FSCN3: variants seen among roughly 807,000 people sequenced by gnomAD.
FSCN3 encodes fascin actin-bundling protein 3.
In FSCN3, 43 loss-of-function variants were observed where a neutral mutation model predicts 53.5. The ratio of observed to expected loss-of-function variants is 0.80; its 90% CI spans 0.63 to 1.04. FSCN3 has a LOEUF of 1.04. FSCN3 is among the 50% of genes least tolerant of loss of function. The probability of loss-of-function intolerance (pLI) is 0.00; values close to 1 mark genes in which losing one functional copy is unlikely to be tolerated. For synonymous variants in FSCN3, 235 were observed against 246.6 expected (o/e 0.95, Z 0.44); for missense variants, 594 against 646.5 (o/e 0.92, Z 0.88).
chr7:127,600,181 C>T lies in FSCN3; in HGVS notation c.1292-13C>T, dbSNP rs767195797. On this transcript the variant is annotated splice_polypyrimidine_tract_variant and intron_variant, in intron 5 of 6. Transcript: ENST00000265825. ...TGTGAATGGCCCACCAACCTGAGCTCTTCCTTCTCCAGCACAGGGGGGATC... is the reference window on the plus strand; with the variant it reads ...TGTGAATGGCCCACCAACCTGAGCTTTTCCTTCTCCAGCACAGGGGGGATC... 9 of 1,524,356 alleles carry T rather than the reference C, an allele frequency of 5.9e-6. No homozygotes were observed. Among genetic ancestry groups the T allele is most frequent in the Non-Finnish European group, 8.2e-6 (9 of 1,098,464 alleles). The allele number at this position is 1,524,356 out of a possible 1,614,324, so 94.4% of individuals were successfully genotyped here. A position where few individuals can be genotyped will look rare whatever the true frequency, so the allele number is the denominator to read the frequency against.
In FSCN3 at chr7:127,601,786, G is replaced by A. The variant is rs1266843024; in HGVS notation, c.*164G>A. The A allele has an allele frequency of 6.6e-6, 1 of 152,140 alleles. No individual in the cohort carries two copies. The highest frequency in any genetic ancestry group is 1.5e-5 in the Non-Finnish European group (1 of 68,042). 9.4% of individuals were successfully genotyped at this position (152,140 alleles called of 1,614,324 possible). A position where few individuals can be genotyped will look rare whatever the true frequency, so the allele number is the denominator to read the frequency against. ...TTTTATGCAACAATACATCACAACA[G>A]GCCACCCCCAAGATCCTTGTGTGCA... On this transcript the variant is annotated 3_prime_UTR_variant, in exon 7 of 7. Transcript: ENST00000265825.
At position 127,593,805 on chromosome 7, in the gene FSCN3, G is replaced by A. The variant is rs771095150; in HGVS notation, c.-49G>A. 46 of 1,536,160 alleles carry A rather than the reference G, an allele frequency of 3.0e-5. No homozygotes were observed. Among genetic ancestry groups the A allele is most frequent in the Admixed American group, 4.0e-5 (2 of 50,590 alleles). ...CCTATGGCCTGTGGAACCTCACCAC[G>A]GGGGGGAGGGCTGGGCCAGACGGAG... On this transcript the variant is annotated 5_prime_UTR_variant, in exon 1 of 7. Coordinates refer to ENST00000265825, the MANE Select transcript of FSCN3 (RefSeq NM_020369.3).
chr7:127,595,363 G>C lies in FSCN3; in HGVS notation c.201G>C (p.Lys67Asn), dbSNP rs1182954899. The change falls in exon 2 of 7, where the codon AAG becomes AAC. Residue 67 changes from lysine (K) to asparagine (N), a missense_variant. Coordinates refer to ENST00000265825, the MANE Select transcript of FSCN3 (RefSeq NM_020369.3). Reference protein sequence around the residue: ...EHETQAVVRLKSVQGLYLLCE... With the variant: ...EHETQAVVRLNSVQGLYLLCE... ...AGACACAGGCCGTGGTGCGACTAAA[G>C]AGCGTGCAGGGCCTCTACCTGCTGT... 2 of 1,614,142 alleles carry C rather than the reference G, an allele frequency of 1.2e-6. No individual in the cohort carries two copies.
chr7:127,600,080 G>A (rs1360810711), intron 5 of FSCN3, 114 bp from the exon 6 acceptor site: 1 of 664,432 alleles, frequency 1.5e-6, no homozygotes, highest in East Asian at 2.6e-5. Flanking sequence ...GCCAATGCAG[G>A]CAGGATGGGG....
At chr7:127,598,712 T>A in intron 4 of FSCN3, 118 bp downstream of exon 4, 1 of 845,766 alleles carries the variant, frequency 1.2e-6, no homozygotes, top group Non-Finnish European at 1.8e-6. Context: ...ATGCCTGTAA[T>A]CCCAGCACTT....
intron 4 of FSCN3, 34 bp from the exon 5 acceptor site, chr7:127,599,347 G>T (rs769905535): frequency 3.8e-6 from 6 of 1,583,622 alleles, no homozygotes; most frequent in Non-Finnish European, 5.2e-6. Context: ...CCTAAAGGCA[G>T]CCCATCCAGA....
rs749595538 is a variant in FSCN3 at position 127,600,318 on chromosome 7, C to G, written c.1416C>G (p.Gly472=). The G allele has an allele frequency of 1.2e-6, 2 of 1,612,638 alleles. No homozygotes were observed. Among genetic ancestry groups the G allele is most frequent in the Non-Finnish European group, 1.7e-6 (2 of 1,178,570 alleles). The change falls in exon 6 of 7, where the codon GGC becomes GGG. Residue 472 remains glycine (G), a synonymous_variant. Coordinates refer to ENST00000265825, the MANE Select transcript of FSCN3 (RefSeq NM_020369.3). ...SNLLTVLAPN[G]FYMRADQSGT... is the part of the protein sequence containing the mutation. ...TACTCACTGTACTGGCCCCCAATGG[C>G]TTCTACATGCGAGCCGACCAAAGTG...
chr7:127,596,489 A>G, intron 3 of FSCN3, 43 bp downstream of exon 3: 1 of 905,460 alleles, frequency 1.1e-6, no homozygotes, highest in South Asian at 1.4e-5. Context: ...TTAAGCTCTG[A>G]GCTCTCCCTC....
chr7:127,598,246 G>A (rs2117431426), intron 3 of FSCN3, among the ~76,000 whole-genome samples, 189 bp from the exon 4 acceptor site: 1 of 152,324 alleles, frequency 6.6e-6, no homozygotes, highest in African/African-American at 2.4e-5. Context: ...ATACAGCACA[G>A]ACTGGGGGAA....
At chr7:127,599,052 C>T (rs1030064129) in intron 4 of FSCN3, among the ~76,000 whole-genome samples, 1 of 151,926 alleles carries the variant, frequency 6.6e-6, no homozygotes, top group African/African-American at 2.4e-5. Flanking sequence ...TTGAGCAAAG[C>T]ACCTCCTTGA....
rs762540012 is a variant in FSCN3 at position 127,595,335 on chromosome 7, A to G, written c.173A>G (p.His58Arg). 1.5e-5 allele frequency: 25 copies of G among 1,613,016 alleles called. No homozygotes were observed. The highest frequency in any genetic ancestry group is 7.6e-6 in the Non-Finnish European group (9 of 1,179,402). ...QTWEILVSNEHETQAVVRLKS... is the reference protein window; with the variant it reads ...QTWEILVSNERETQAVVRLKS... ...TGGGAGATCTTGGTGAGCAATGAGCATGAGACACAGGCCGTGGTGCGACTA... is the reference window on the plus strand; with the variant it reads ...TGGGAGATCTTGGTGAGCAATGAGCGTGAGACACAGGCCGTGGTGCGACTA... The change falls in exon 2 of 7, where the codon CAT (histidine) becomes CGT (arginine). Residue 58 changes from histidine to arginine, a missense_variant. Transcript: ENST00000265825.
chr7:127,594,080 GTGAGTGTA>G (rs1794338532), intron 1 of FSCN3, 83 bp downstream of exon 1: 3 of 1,460,790 alleles, frequency 2.1e-6, no homozygotes, highest in African/African-American at 2.9e-5. Context: ...GTGTGTGTGC[GTGAGTGTA>G]TGTGTGTGTG....
chr7:127,600,955 CT>C (rs1177801599), intron 6 of FSCN3, among the ~76,000 whole-genome samples: 1 of 152,146 alleles, frequency 6.6e-6, no homozygotes, highest in Non-Finnish European at 1.5e-5. Context: ...TGATATCAGC[CT>C]GCTCATCTTC....
rs143868079 is a variant in FSCN3 at position 127,595,656 on chromosome 7, G to C, written c.494G>C (p.Arg165Pro). Residue 165 changes from arginine to proline, a missense_variant, in exon 2 of 7, where the codon CGC becomes CCC. Arg to Pro is a moderately radical substitution (Grantham distance 103). Transcript: ENST00000265825. The part of the protein sequence containing the change: ...CYARADPTMG[R>P]IWVDAAVPCL... ...GCCCGGGCTGACCCCACTATGGGCC[G>C]CATCTGGGTGGACGCAGCAGTTCCC... 3.7e-6 allele frequency: 6 copies of C among 1,613,638 alleles called. No homozygotes were observed. Among genetic ancestry groups the C allele is most frequent in the Non-Finnish European group, 5.1e-6 (6 of 1,179,518 alleles).
intron 5 of FSCN3, 63 bp downstream of exon 5, chr7:127,599,614 A>C: frequency 1.3e-6 from 2 of 1,492,428 alleles, no homozygotes; most frequent in Non-Finnish European, 1.8e-6. Context: ...GCCCCAGCTC[A>C]GACTTCAGGG....
intron 4 of FSCN3, 62 bp from the exon 5 acceptor site, chr7:127,599,319 C>A: frequency 1.5e-6 from 2 of 1,340,336 alleles, no homozygotes; most frequent in Non-Finnish European, 2.1e-6. Context: ...CCCCCTCCTG[C>A]TTCCACTTGG....
Position 127,595,623 on chromosome 7 carries a change from G to A in FSCN3, c.461G>A (p.Arg154His), listed in dbSNP as rs768120886. The A allele has an allele frequency of 9.3e-6, 15 of 1,613,926 alleles. No individual in the cohort carries two copies. The East Asian group carries it at 1.3e-4, about 14-fold the overall frequency. ...VHVILYSPIH[R>H]CYARADPTMG... Reference sequence around the variant, plus strand: ...GTGATCCTCTACAGCCCCATCCACCGCTGCTATGCCCGGGCTGACCCCACT... The same window carrying A: ...GTGATCCTCTACAGCCCCATCCACCACTGCTATGCCCGGGCTGACCCCACT... Residue 154 changes from arginine (R) to histidine (H), a missense_variant, in exon 2 of 7, where the codon CGC becomes CAC. Transcript: ENST00000265825.
At chr7:127,595,246 G>A in intron 1 of FSCN3, 61 bp from the exon 2 acceptor site, 3 of 1,454,676 alleles carry the variant, frequency 2.1e-6, no homozygotes, top group Non-Finnish European at 2.8e-6. Flanking sequence ...CAGTTGCAGG[G>A]CTCCTTGGTC....
At chr7:127,598,770 C>G (rs530242209) in intron 4 of FSCN3, among the ~76,000 whole-genome samples, 176 bp downstream of exon 4, 2 of 152,184 alleles carry the variant, frequency 1.3e-5, no homozygotes, top group African/African-American at 4.8e-5. Context: ...TTGAGACCAG[C>G]CTGACCACGT....
Sources: gnomAD v4.1 joint callset for allele counts (sites outside exome capture counted in the v4.1 genomes callset) on GRCh38, gnomAD v4.1.1 for gene constraint, MANE v1.5 for transcripts, NCBI Gene and HGNC (gene_info 2026-07-23, HGNC 2026-07-21) for gene names.